Variants in RGS3 observed in about 807,000 individuals in gnomAD.
The protein encoded by RGS3 is regulator of G protein signaling 3.
RGS3 carries 80 observed loss-of-function variants against 132.6 expected under a neutral mutation model. That is an observed-to-expected ratio of 0.60 (90% CI 0.50 to 0.73). The LOEUF (loss-of-function observed/expected upper bound fraction) is 0.73. RGS3 is among the 30% of genes least tolerant of loss of function. The probability of loss-of-function intolerance (pLI) is 0.00; values close to 1 mark genes in which losing one functional copy is unlikely to be tolerated. For synonymous variants in RGS3, 598 were observed against 620.6 expected, an observed-to-expected ratio of 0.96 and a Z score of 0.54; for missense variants, 1,382 against 1,530.8, an observed-to-expected ratio of 0.90 and a Z score of 1.62.
intron 19 of RGS3, among the ~76,000 whole-genome samples, chr9:113,559,290 C>G (rs1440929634): frequency 6.6e-6 from 1 of 152,236 alleles, no homozygotes; most frequent in Admixed American, 6.5e-5. Flanking sequence ...CCCAAAAGCC[C>G]GAAGTCTCCG....
rs140126063 is a variant in RGS3 at position 113,489,840 on chromosome 9, T to G, written c.689+4147T>G. ...CTACCGCAGAATTTATAATGGAGTT[T>G]TATGTAAATTATTCAGCCAAATGTG... is the stretch of plus-strand genomic sequence containing the variant. On this transcript the variant is annotated intron_variant, in intron 7 of 24. Transcript: ENST00000350696. Among the ~76,000 whole-genome samples the G allele has an allele frequency of 1.6e-3, 251 of 152,246 alleles. 1 individual carries two copies. Among genetic ancestry groups the G allele is most frequent in the African/African-American group, 5.8e-3 (241 of 41,538 alleles).
chr9:113,590,557 TATCCATCC>T (rs746005388), intron 20 of RGS3, among the ~76,000 whole-genome samples: 4,576 of 148,592 alleles, frequency 0.031, 207 homozygotes, highest in African/African-American at 0.11. Flanking sequence ...CCTATCCACA[TATCCATCC>T]ATCCATCCAT....
chr9:113,449,580 A>G (rs1363814991), intron 1 of RGS3, among the ~76,000 whole-genome samples: 1 of 152,102 alleles, frequency 6.6e-6, no homozygotes, highest in African/African-American at 2.4e-5. Context: ...GGAGTGTGAG[A>G]TGGGGAAGGT....
At chr9:113,505,465 C>T (rs758660550) in exon 11 of RGS3, 7 of 1,613,986 alleles carry the variant, frequency 4.3e-6, no homozygotes, top group Admixed American at 1.7e-5. Context: ...GGGGAAAGGA[C>T]GGCTTTGGCT....
At chr9:113,503,523 C>T (rs980500313) in intron 10 of RGS3, 4 of 152,260 alleles carry the variant, frequency 2.6e-5, no homozygotes, top group Non-Finnish European at 4.4e-5. Flanking sequence ...GGGTGAGGGG[C>T]CCCCAGCCCA....
In RGS3 at chr9:113,572,172, C is replaced by T. The variant is rs1025565852; in HGVS notation, c.2038-11278C>T. Among the ~76,000 whole-genome samples, 5 of 151,898 alleles carry T rather than the reference C, an allele frequency of 3.3e-5. No individual in the cohort carries two copies. The South Asian group carries it at 6.3e-4, about 19-fold the overall frequency. ...AGAAACGGTGTGGTGGAGAGGTTGGCGGGGGCAGAACACACAGGGTTAGAG... is the reference window on the plus strand; with the variant it reads ...AGAAACGGTGTGGTGGAGAGGTTGGTGGGGGCAGAACACACAGGGTTAGAG... On this transcript the variant is annotated intron_variant, in intron 19 of 24. Coordinates refer to ENST00000350696, the Ensembl canonical transcript of RGS3.
At chr9:113,540,995 C>T (rs1050466974) in intron 19 of RGS3, among the ~76,000 whole-genome samples, 7 of 152,190 alleles carry the variant, frequency 4.6e-5, no homozygotes, top group Non-Finnish European at 8.8e-5. Context: ...GAAGATTCAT[C>T]GGGGGCCTTG....
chr9:113,495,883 A>G (rs754142487), intron 8 of RGS3, 37 bp downstream of exon 6: 3 of 1,569,472 alleles, frequency 1.9e-6, no homozygotes, highest in Non-Finnish European at 1.8e-6. Context: ...GATCATCCCA[A>G]CTGGGCCGGG....
chr9:113,522,836 A>G (rs1588197681), intron 16 of RGS3, 94 bp from the exon 15 acceptor site: 2 of 799,688 alleles, frequency 2.5e-6, no homozygotes, highest in Non-Finnish European at 4.5e-6. Context: ...TTATCTGGGG[A>G]GGCTGTGGCT....
At chr9:113,485,049 A>G (rs1356605312) in intron 6 of RGS3, among the ~76,000 whole-genome samples, 1 of 149,530 alleles carries the variant, frequency 6.7e-6, no homozygotes, top group Non-Finnish European at 1.5e-5. Context: ...GTATGTTTGC[A>G]TGTGTGTGTG....
chr9:113,584,555 C>T (rs1835026294), intron 20 of RGS3, 128 bp downstream of exon 18: 1 of 1,069,828 alleles, frequency 9.3e-7, no homozygotes, highest in Non-Finnish European at 1.3e-6. Flanking sequence ...GCGAACTTTC[C>T]ACCTGTTGGA....
intron 18 of RGS3, chr9:113,536,549 C>T: frequency 1.5e-6 from 2 of 1,291,006 alleles, no homozygotes; most frequent in Non-Finnish European, 2.0e-6. Context: ...TGTTGGGAGC[C>T]ACTGCCTTCC....
At chr9:113,495,031 C>T (rs912691691) in intron 7 of RGS3, among the ~76,000 whole-genome samples, 15 of 152,174 alleles carry the variant, frequency 9.9e-5, no homozygotes, top group Admixed American at 1.3e-4. Flanking sequence ...TGCACCACCA[C>T]GTAGGGCTAA....
At chr9:113,461,449 GA>G (rs1829468394) in intron 1 of RGS3, among the ~76,000 whole-genome samples, 1 of 152,144 alleles carries the variant, frequency 6.6e-6, no homozygotes, top group African/African-American at 2.4e-5. Context: ...ATCTCTTGAG[GA>G]AAGGGTGACC....
chr9:113,526,099 C>G (rs1832191093), intron 17 of RGS3, among the ~76,000 whole-genome samples: 1 of 152,212 alleles, frequency 6.6e-6, no homozygotes, highest in East Asian at 1.9e-4. Context: ...AGCTTTGCTA[C>G]TCTTTGTGTT....
Position 113,591,481 on chromosome 9 carries a change from G to A in RGS3, c.3080+84G>A. ...TCTCTCCTCTAGGGGTCCAGGTGGG[G>A]AGAAGAGGTTGTGCCTGGTCCCGCC... On this transcript the variant is annotated intron_variant, in intron 21 of 24. Coordinates refer to ENST00000350696, the Ensembl canonical transcript of RGS3. This position sits in a 1 kb window ranked among gnomAD's most constrained non-coding sequence, Gnocchi z 4.4. The A allele has an allele frequency of 8.0e-7, 1 of 1,249,658 alleles. No individual in the cohort carries two copies. The highest frequency in any genetic ancestry group is 1.2e-6 in the Non-Finnish European group (1 of 852,186). 77.4% of individuals were successfully genotyped at this position (1,249,658 alleles called of 1,614,324 possible). A position where few individuals can be genotyped will look rare whatever the true frequency, so the allele number is the denominator to read the frequency against.
At chr9:113,508,464 C>T in intron 13 of RGS3, 77 bp from the exon 12 acceptor site, 1 of 1,557,816 alleles carries the variant, frequency 6.4e-7, no homozygotes, top group Non-Finnish European at 8.8e-7. Flanking sequence ...CCCCTGGGGC[C>T]CCCGTGTCCA....
chr9:113,517,731 T>G, intron 16 of RGS3, 107 bp downstream of exon 14: 1 of 827,198 alleles, frequency 1.2e-6, no homozygotes. Context: ...AATTGTACAT[T>G]CTCAGGGTAG....
chr9:113,531,692 A>G (rs983686310), intron 18 of RGS3, among the ~76,000 whole-genome samples: 1 of 152,204 alleles, frequency 6.6e-6, no homozygotes, highest in African/African-American at 2.4e-5. Flanking sequence ...CAAATATGGT[A>G]AGATCACAGA....
Sources: allele counts gnomAD v4.1 joint callset (sites outside exome capture counted in the v4.1 genomes callset), GRCh38; gene constraint gnomAD v4.1.1; non-coding constraint Gnocchi (gnomAD v3.1); transcripts MANE v1.5; gene names NCBI Gene and HGNC (gene_info 2026-07-23, HGNC 2026-07-21).